Variants in CLK1 observed in about 807,000 individuals in gnomAD.
The protein encoded by CLK1 is dual specificity protein kinase CLK1.
In CLK1, 40 loss-of-function variants were observed where a neutral mutation model predicts 60.9. That is an observed-to-expected ratio of 0.66 (90% CI 0.51 to 0.86). The LOEUF (loss-of-function observed/expected upper bound fraction) is 0.86, where lower values mean the gene tolerates loss of function less well. CLK1 is among the 40% of genes least tolerant of loss of function. The pLI, the probability that CLK1 is intolerant of heterozygous loss-of-function variation, is 0.00. For missense variants in CLK1, 563 were observed against 606.1 expected (o/e 0.93, Z 0.75); for synonymous variants, 203 against 184.4 (o/e 1.10, Z -0.82).
At chr2:200,857,082 A>C (rs1304158197) in intron 7 of CLK1, 97 bp from the exon 8 acceptor site, 2 of 900,240 alleles carry the variant, frequency 2.2e-6, no homozygotes, top group Non-Finnish European at 3.5e-6. Flanking sequence ...TCACGCCTGT[A>C]ATCACCTGAG....
chr2:200,862,335 T>C, intron 1 of CLK1, among the ~76,000 whole-genome samples: 1 of 152,186 alleles, frequency 6.6e-6, no homozygotes, highest in East Asian at 1.9e-4. Flanking sequence ...ACTGATGACA[T>C]TCCACCATTG....
At chr2:200,860,427 A>AG (rs2105740502) in intron 3 of CLK1, 1 of 1,282,952 alleles carries the variant, frequency 7.8e-7, no homozygotes, top group African/African-American at 1.5e-5. Context: ...AAACATGGCA[A>AG]GGAACAGATT....
chr2:200,855,796 G>C (rs542261483), intron 9 of CLK1, among the ~76,000 whole-genome samples: 2 of 151,912 alleles, frequency 1.3e-5, no homozygotes, highest in Admixed American at 1.3e-4. Context: ...ATTGCTCCAG[G>C]TCAGCAGTTT....
intron 7 of CLK1, 92 bp from the exon 8 acceptor site, chr2:200,857,077 C>G (rs775984601): frequency 2.2e-6 from 2 of 904,374 alleles, no homozygotes; most frequent in Non-Finnish European, 3.5e-6. Flanking sequence ...GTGGCTCACG[C>G]CTGTAATCAC....
At position 200,861,390 on chromosome 2, in the gene CLK1, A is replaced by C; in HGVS notation, c.238T>G (p.Tyr80Asp). 2 of 1,614,184 alleles carry C rather than the reference A, an allele frequency of 1.2e-6. No individual in the cohort carries two copies. Among genetic ancestry groups the C allele is most frequent in the Non-Finnish European group, 1.7e-6 (2 of 1,180,026 alleles). ...RRYIDEYRND[Y>D]TQGCEPGHRQ... ...TGTCCAGGTTCACATCCTTGAGTGT[A>C]GTCATTTCTGTACTCATCAATGTAG... Residue 80 changes from tyrosine (Y) to aspartate (D), a missense_variant, in exon 3 of 13, where the codon TAC becomes GAC. Physicochemically the swap from Tyr to Asp is radical, Grantham distance 160. Coordinates refer to ENST00000321356, the MANE Select transcript of CLK1 (RefSeq NM_004071.4).
At chr2:200,861,086 C>T in intron 3 of CLK1, 152 bp downstream of exon 3, 2 of 1,432,762 alleles carry the variant, frequency 1.4e-6, no homozygotes, top group Non-Finnish European at 1.8e-6. Flanking sequence ...CCGGAATTTC[C>T]TATCCAATGC....
chr2:200,855,982 C>A (rs922157827), intron 9 of CLK1, among the ~76,000 whole-genome samples: 3 of 151,622 alleles, frequency 2.0e-5, no homozygotes, highest in Non-Finnish European at 2.9e-5. Flanking sequence ...GCACTCCAGC[C>A]TGGGCGACAG....
chr2:200,864,418 T>A, intron 1 of CLK1, 146 bp downstream of exon 1: 1 of 697,456 alleles, frequency 1.4e-6, no homozygotes, highest in Non-Finnish European at 2.2e-6. Flanking sequence ...GCGCCGCCAC[T>A]GTGCAGCCTG....
At chr2:200,861,657 T>C (rs974187478) in intron 2 of CLK1, 45 bp downstream of exon 2, 2 of 1,599,870 alleles carry the variant, frequency 1.3e-6, no homozygotes, top group African/African-American at 1.3e-5. Context: ...TAGTTTTGTC[T>C]AGTAATGTAT....
chr2:200,853,029 G>C lies in CLK1; in HGVS notation c.*277C>G. 4.2e-6 allele frequency: 1 copy of C among 236,750 alleles called. No homozygotes were observed. Among genetic ancestry groups the C allele is most frequent in the Non-Finnish European group, 8.0e-6 (1 of 124,508 alleles). 14.7% of individuals were successfully genotyped at this position (236,750 alleles called of 1,614,324 possible). On this transcript the variant is annotated 3_prime_UTR_variant, in exon 13 of 13. Transcript: ENST00000321356. Reference sequence around the variant, plus strand: ...AGAAATCTATGTCCATTCTTTAATAGAAGTAGGAAGAAAAATGGTACTTAG... The same window carrying C: ...AGAAATCTATGTCCATTCTTTAATACAAGTAGGAAGAAAAATGGTACTTAG...
rs2039015685 is a variant in CLK1, at chr2:200,855,030, A to G, written c.1114T>C (p.Tyr372His). ...VWSIGCILIEYYLGFTVFPTH... is the reference protein window; with the variant it reads ...VWSIGCILIEHYLGFTVFPTH... ...GGAAATACGGTAAACCCAAGATAGT[A>G]TTCAATAAGAATGCATCCTATGCTC... Residue 372 changes from tyrosine to histidine, a missense_variant, in exon 10 of 13, where the codon TAC (tyrosine) becomes CAC (histidine). This residue lies in a region of CLK1 where 360 missense variants were observed against 407.0 expected (regional missense o/e 0.88). Coordinates refer to ENST00000321356, the MANE Select transcript of CLK1 (RefSeq NM_004071.4). 6.2e-7 allele frequency: 1 copy of G among 1,613,056 alleles called. No individual in the cohort carries two copies. The highest frequency in any genetic ancestry group is 1.1e-5 in the South Asian group (1 of 90,742).
Position 200,856,966 on chromosome 2 carries a change from C to A in CLK1, c.852G>T (p.Leu284Phe). ...KSVNFLHSNK[L>F]THTDLKPENI... ...TTTCAGGCTTTAAGTCTGTGTGAGT[C>A]AACTTATTACTGTGCAAAACTGAGA... Residue 284 changes from leucine (L) to phenylalanine (F), a missense_variant, in exon 8 of 13, where the codon TTG becomes TTT. By Grantham distance (22) the Leu-to-Phe change is conservative (BLOSUM62 0). Coordinates refer to ENST00000321356, the MANE Select transcript of CLK1 (RefSeq NM_004071.4). 2 of 1,613,772 alleles carry A rather than the reference C, an allele frequency of 1.2e-6. No homozygotes were observed. The highest frequency in any genetic ancestry group is 2.2e-5 in the South Asian group (2 of 91,042).
intron 4 of CLK1, 83 bp downstream of exon 4, chr2:200,860,042 A>G: frequency 1.3e-6 from 2 of 1,531,176 alleles, no homozygotes; most frequent in South Asian, 2.5e-5. Flanking sequence ...AAAGAAAAAA[A>G]GATTTCCAAA....
At chr2:200,862,428 C>G (rs752806163) in intron 1 of CLK1, among the ~76,000 whole-genome samples, 56 of 152,284 alleles carry the variant, frequency 3.7e-4, no homozygotes, top group Non-Finnish European at 5.9e-4. Context: ...TAATCTCCCC[C>G]ACCCTTAAGA....
At chr2:200,854,580 A>C (rs1404401799) in intron 11 of CLK1, 36 bp downstream of exon 11, 1 of 1,260,724 alleles carries the variant, frequency 7.9e-7, no homozygotes, top group Admixed American at 1.8e-5. Flanking sequence ...ATGTGATCAA[A>C]TGATACTAAG....
intron 1 of CLK1, 58 bp downstream of exon 1, chr2:200,864,506 G>A: frequency 2.4e-6 from 1 of 419,404 alleles, no homozygotes; most frequent in Non-Finnish European, 4.3e-6. Flanking sequence ...ATCGCCAGGC[G>A]CCCGCGAGGC....
Position 200,853,892 on chromosome 2 carries a change from C to CA in CLK1, c.1311+10dup, listed in dbSNP as rs1480864752. ...AGTTTTGACTATTTGAGCAATGTCT[C>CA]AAAGGCTTACCTTCAGAGGTTTACA... On this transcript the variant is annotated intron_variant, in intron 12 of 12. Transcript: ENST00000321356. 1.9e-6 allele frequency: 3 copies of CA among 1,596,346 alleles called. No homozygotes were observed. In the Admixed American group the frequency reaches 5.2e-5, roughly 28 times the overall value.
In CLK1 at chr2:200,861,291, AACT is replaced by A; in HGVS notation, c.334_336del (p.Ser112del). ...TGGTGAATCCTGTGTTTGCTTTTAT[AACT>A]ACTTCTTCCACTTCTACCAGAAGAC... On this transcript the variant is annotated inframe_deletion, in exon 3 of 13. Coordinates refer to ENST00000321356, the MANE Select transcript of CLK1 (RefSeq NM_004071.4). 6.2e-7 allele frequency: 1 copy of A among 1,614,164 alleles called. No individual in the cohort carries two copies. The highest frequency in any genetic ancestry group is 8.5e-7 in the Non-Finnish European group (1 of 1,180,016).
intron 1 of CLK1, 145 bp downstream of exon 1, chr2:200,864,419 G>A (rs761723439): frequency 1.4e-6 from 1 of 697,626 alleles, no homozygotes; most frequent in Non-Finnish European, 2.2e-6. Context: ...CGCCGCCACT[G>A]TGCAGCCTGG....
Sources: gnomAD v4.1 joint callset for allele counts (sites outside exome capture counted in the v4.1 genomes callset) on GRCh38, gnomAD v4.1.1 for gene constraint, gnomAD v4.1.1 regional missense constraint, MANE v1.5 for transcripts, NCBI Gene and HGNC (gene_info 2026-07-23, HGNC 2026-07-21) for gene names.